Variants in LRRTM4 observed in about 807,000 individuals in gnomAD.
The protein encoded by LRRTM4 is leucine-rich repeat transmembrane neuronal protein 4.
LRRTM4 carries 25 observed loss-of-function variants against 47.6 expected under a neutral mutation model. That is an observed-to-expected ratio of 0.53 (90% CI 0.38 to 0.73). The LOEUF (loss-of-function observed/expected upper bound fraction) is 0.73. Ranked by LOEUF, LRRTM4 falls within the 30% of genes least tolerant of loss-of-function variation. LRRTM4 has a pLI of 0.00. For synonymous variants in LRRTM4, 311 were observed against 269.5 expected (o/e 1.15, Z -1.51); for missense variants, 638 against 713.4 (o/e 0.89, Z 1.20).
At chr2:76,826,578 G>A (rs1671197954) in intron 3 of LRRTM4, among the ~76,000 whole-genome samples, 1 of 151,630 alleles carries the variant, frequency 6.6e-6, no homozygotes, top group South Asian at 2.1e-4. Flanking sequence ...AAATTTATCT[G>A]TAAGTGACAG....
intron 3 of LRRTM4, among the ~76,000 whole-genome samples, chr2:76,958,713 A>C (rs1675757455): frequency 6.6e-6 from 1 of 151,736 alleles, no homozygotes; most frequent in African/African-American, 2.4e-5. Context: ...ACTGAATGTA[A>C]GATCAAGGTA....
At chr2:77,450,885 T>G (rs1676229901) in intron 3 of LRRTM4, among the ~76,000 whole-genome samples, 2 of 152,200 alleles carry the variant, frequency 1.3e-5, no homozygotes, top group South Asian at 4.1e-4. Flanking sequence ...ATTATTTCCC[T>G]ACTGAAAAGG....
At chr2:77,295,217 A>G (rs1397290527) in intron 3 of LRRTM4, among the ~76,000 whole-genome samples, 1 of 152,118 alleles carries the variant, frequency 6.6e-6, no homozygotes, top group Non-Finnish European at 1.5e-5. Context: ...TTTACTTATT[A>G]CTTTAAGAAC....
chr2:77,442,081 T>C (rs1675864069), intron 3 of LRRTM4, among the ~76,000 whole-genome samples: 1 of 152,106 alleles, frequency 6.6e-6, no homozygotes, highest in Non-Finnish European at 1.5e-5. Context: ...TTGTTGTCCC[T>C]GAGAACAGCA....
intron 3 of LRRTM4, among the ~76,000 whole-genome samples, chr2:77,072,092 A>G (rs1323706491): frequency 6.6e-6 from 1 of 152,120 alleles, no homozygotes; most frequent in African/African-American, 2.4e-5. Context: ...TTATATATAC[A>G]TTAAAATAAA....
chr2:77,244,424 T>G (rs1394746104), intron 3 of LRRTM4, among the ~76,000 whole-genome samples: 1 of 152,202 alleles, frequency 6.6e-6, no homozygotes, highest in African/African-American at 2.4e-5. Flanking sequence ...CAGTTTTATT[T>G]AATGTTATTC....
intron 3 of LRRTM4, among the ~76,000 whole-genome samples, chr2:77,041,044 T>G (rs1222221398): frequency 6.6e-6 from 1 of 151,326 alleles, no homozygotes; most frequent in Admixed American, 6.6e-5. Flanking sequence ...AACTGTACCT[T>G]TGTACTCATC....
In LRRTM4 at chr2:76,865,642, T is replaced by C. The variant is rs147046791; in HGVS notation, c.1552-116726A>G. On this transcript the variant is annotated intron_variant, in intron 3 of 3. Transcript: ENST00000409884. Reference sequence around the variant, plus strand: ...GAGCTCCTTCCTATAATTCCTAAGATATAATGATATTTTAGAATAAAAGGA... The same window carrying C: ...GAGCTCCTTCCTATAATTCCTAAGACATAATGATATTTTAGAATAAAAGGA... 5.7e-3 allele frequency among the ~76,000 whole-genome samples: 873 copies of C among 152,256 alleles called. 14 individuals are homozygous for C. The highest frequency in any genetic ancestry group is 0.02 in the African/African-American group (827 of 41,546).
In LRRTM4 at chr2:76,748,554, T is replaced by G. The variant is rs1428203329; in HGVS notation, c.*141A>C. ...CTCTTCAAGCAGTTTTTTTTTCTCT[T>G]TTTCTTTTCTCTATGCCATAAATGT... is the stretch of plus-strand genomic sequence containing the variant. On this transcript the variant is annotated 3_prime_UTR_variant, in exon 4 of 4. Transcript: ENST00000409884. 6 of 700,376 alleles carry G rather than the reference T, an allele frequency of 8.6e-6. No homozygotes were observed. The highest frequency in any genetic ancestry group is 2.9e-5 in the Admixed American group (1 of 34,408). The allele number at this position is 700,376 out of a possible 1,614,324, so 43.4% of individuals were successfully genotyped here.
chr2:77,453,176 A>ATTTTTTTT (rs1162461607), intron 3 of LRRTM4, among the ~76,000 whole-genome samples: 13 of 99,524 alleles, frequency 1.3e-4, no homozygotes, highest in Middle Eastern at 6.6e-3. Flanking sequence ...TTTCTTCTTG[A>ATTTTTTTT]TTTTTTTTTT....
At chr2:77,106,274 C>T (rs180910243) in intron 3 of LRRTM4, among the ~76,000 whole-genome samples, 2 of 152,232 alleles carry the variant, frequency 1.3e-5, no homozygotes, top group Admixed American at 6.5e-5. Context: ...TTGTCTTTTT[C>T]ATGATAGTAA....
intron 3 of LRRTM4, among the ~76,000 whole-genome samples, chr2:77,111,977 T>C (rs1671263664): frequency 6.6e-6 from 1 of 152,050 alleles, no homozygotes; most frequent in Non-Finnish European, 1.5e-5. Context: ...CGACTGGGGG[T>C]TGTGAAAAGT....
Position 76,795,983 on chromosome 2 carries a change from C to T in LRRTM4, c.1552-47067G>A, listed in dbSNP as rs567342241. On this transcript the variant is annotated intron_variant, in intron 3 of 3. Transcript: ENST00000409884. ...GCACCATGTGCGAGCCGAAGCAGGGCGAGGCATTGCCTCACTTGGGAAGCG... is the reference window on the plus strand; with the variant it reads ...GCACCATGTGCGAGCCGAAGCAGGGTGAGGCATTGCCTCACTTGGGAAGCG... 3.6e-3 allele frequency among the ~76,000 whole-genome samples: 525 copies of T among 145,968 alleles called. 3 individuals carry two copies. The highest frequency in any genetic ancestry group is 0.012 in the African/African-American group (463 of 38,368).
intron 3 of LRRTM4, among the ~76,000 whole-genome samples, chr2:76,931,197 T>C (rs533009459): frequency 6.6e-6 from 1 of 152,322 alleles, no homozygotes; most frequent in South Asian, 2.1e-4. Flanking sequence ...TTAATGCTAA[T>C]ATGTTGATAT....
At chr2:76,984,766 C>T (rs1201990463) in intron 3 of LRRTM4, among the ~76,000 whole-genome samples, 4 of 151,984 alleles carry the variant, frequency 2.6e-5, no homozygotes, top group Non-Finnish European at 4.4e-5. Context: ...GAATAAACTC[C>T]TACTTGTTTA....
chr2:77,191,470 T>C lies in LRRTM4; in HGVS notation c.1551+326848A>G, dbSNP rs554874681. Among the ~76,000 whole-genome samples the C allele has an allele frequency of 9.9e-5, 15 of 151,994 alleles. No homozygotes were observed. The South Asian group carries it at 2.1e-3, about 21-fold the overall frequency. On this transcript the variant is annotated intron_variant, in intron 3 of 3. Transcript: ENST00000409884. ...AAAATATATATAAGGTAGAAGGCAA[T>C]ATAAAAGTGTAATTTGAAATTAATT...
chr2:77,308,867 G>C (rs1474958137), intron 3 of LRRTM4, among the ~76,000 whole-genome samples: 2 of 151,766 alleles, frequency 1.3e-5, no homozygotes, highest in Non-Finnish European at 2.9e-5. Flanking sequence ...GGTTGGGGTC[G>C]GTTAAGCAAA....
At chr2:76,755,058 G>C (rs1672980408) in intron 3 of LRRTM4, among the ~76,000 whole-genome samples, 2 of 152,134 alleles carry the variant, frequency 1.3e-5, no homozygotes. Context: ...TTGTTATACA[G>C]TAAAACCAGT....
chr2:76,793,169 G>A (rs1675070135), intron 3 of LRRTM4, among the ~76,000 whole-genome samples: 1 of 152,162 alleles, frequency 6.6e-6, no homozygotes, highest in Non-Finnish European at 1.5e-5. Context: ...TGAATGAGGT[G>A]AATAGTGTAA....
Sources: gnomAD v4.1 joint callset for allele counts (sites outside exome capture counted in the v4.1 genomes callset) on GRCh38, gnomAD v4.1.1 for gene constraint, MANE v1.5 for transcripts, NCBI Gene and HGNC (gene_info 2026-07-23, HGNC 2026-07-21) for gene names.